The following C3orf49 variants were observed in gnomAD, a reference collection of about 807,000 sequenced individuals.
The protein encoded by C3orf49 is chromosome 3 open reading frame 49, also known as putative uncharacterized protein C3orf49.
In C3orf49, 27 loss-of-function variants were observed where a neutral mutation model predicts 13.3. That is an observed-to-expected ratio of 2.02 (90% CI 1.49 to 2.79). C3orf49 has a LOEUF of 2.79. Ranked by LOEUF, C3orf49 falls within the 30% of genes most tolerant of loss-of-function variation. The probability of loss-of-function intolerance (pLI) is 0.00; values close to 1 mark genes in which losing one functional copy is unlikely to be tolerated. For synonymous variants in C3orf49, 87 were observed against 47.6 expected (o/e 1.83, Z -3.40); for missense variants, 242 against 134.2 (o/e 1.80, Z -3.97).
At chr3:63,783,840 T>G in the C3orf49 span, among the ~76,000 whole-genome samples, 105,983 of 151,734 alleles carry the variant, frequency 0.7, 37,212 homozygotes, top group African/African-American at 0.75. Flanking sequence ...AAGCTACCTG[T>G]GGTCTAGCTG....
At chr3:63,804,199 C>T in the C3orf49 span, among the ~76,000 whole-genome samples, 4 of 152,094 alleles carry the variant, frequency 2.6e-5, no homozygotes, top group Non-Finnish European at 5.9e-5. Flanking sequence ...CCTAACAGGC[C>T]ATGGGCTGAT....
the C3orf49 span, among the ~76,000 whole-genome samples, chr3:63,802,664 G>C: frequency 6.6e-6 from 1 of 152,122 alleles, no homozygotes; most frequent in African/African-American, 2.4e-5. Context: ...TGTGTTGACT[G>C]CTTGCTATGG....
intron 6 of C3orf49, among the ~76,000 whole-genome samples, chr3:63,847,374 C>T (rs832187): frequency 0.55 from 83,411 of 152,020 alleles, 23,919 homozygotes; most frequent in South Asian, 0.65. Context: ...GGTTCTAATG[C>T]CTTTTATGAA....
At chr3:63,806,274 G>A in the C3orf49 span, among the ~76,000 whole-genome samples, 1 of 152,182 alleles carries the variant, frequency 6.6e-6, no homozygotes, top group Non-Finnish European at 1.5e-5. Flanking sequence ...TAACACGCTT[G>A]TTAACACACC....
chr3:63,786,893 A>G, the C3orf49 span, among the ~76,000 whole-genome samples: 3 of 152,228 alleles, frequency 2.0e-5, no homozygotes, highest in Non-Finnish European at 2.9e-5. Context: ...TTCTCGAGAA[A>G]GACAGCAGTG....
At chr3:63,846,733 G>A (rs1701905753) in intron 6 of C3orf49, among the ~76,000 whole-genome samples, 1 of 152,092 alleles carries the variant, frequency 6.6e-6, no homozygotes, top group South Asian at 2.1e-4. Flanking sequence ...TATAACCCCA[G>A]TATACTTGAT....
chr3:63,840,628 T>C (rs1172901493), intron 5 of C3orf49, among the ~76,000 whole-genome samples: 1 of 152,128 alleles, frequency 6.6e-6, no homozygotes, highest in African/African-American at 2.4e-5. Flanking sequence ...AAAATACAGA[T>C]GACAATGATG....
In C3orf49 at chr3:63,823,456, C is replaced by T. The variant is rs1165458416; in HGVS notation, c.332C>T (p.Thr111Ile). 1 of 703,142 alleles carries T rather than the reference C, an allele frequency of 1.4e-6. No homozygotes were observed. The highest frequency in any genetic ancestry group is 1.7e-5 in the African/African-American group (1 of 57,260). 43.6% of individuals were successfully genotyped at this position (703,142 alleles called of 1,614,324 possible). Residue 111 changes from threonine to isoleucine, a missense_variant, in exon 2 of 7, where the codon ACT becomes ATT. Thr to Ile is a moderately conservative substitution (Grantham distance 89). Transcript: ENST00000295896. ...KPACASQEGS[T>I]DHKEALLSNT... ...GCATGTGCCAGCCAAGAGGGCTCCA[C>T]TGACCATAAAGAAGCCCTCCTGTCA...
chr3:63,838,786 C>CT (rs553436466), intron 5 of C3orf49, among the ~76,000 whole-genome samples: 62 of 152,096 alleles, frequency 4.1e-4, no homozygotes, highest in Non-Finnish European at 8.1e-4. Context: ...TTTAGAAATA[C>CT]TTTAAGATGT....
chr3:63,810,587 G>A, the C3orf49 span, among the ~76,000 whole-genome samples: 7 of 152,114 alleles, frequency 4.6e-5, no homozygotes, highest in African/African-American at 1.2e-4. Flanking sequence ...TTGTTGGTTC[G>A]GATTCTCTAT....
At chr3:63,783,588 G>A in the C3orf49 span, among the ~76,000 whole-genome samples, 2 of 149,904 alleles carry the variant, frequency 1.3e-5, no homozygotes, top group East Asian at 3.9e-4. Context: ...TGTGGTGGCG[G>A]GCACATGTAG....
At chr3:63,833,704 C>G (rs1461142092) in intron 5 of C3orf49, 2 of 162,192 alleles carry the variant, frequency 1.2e-5, no homozygotes, top group Non-Finnish European at 2.7e-5. Context: ...CCTCCTAAAG[C>G]CTCTTCATAG....
In C3orf49 at chr3:63,823,596, T is replaced by C. The variant is rs1403471795; in HGVS notation, c.445+27T>C. On this transcript the variant is annotated intron_variant, in intron 2 of 6. Coordinates refer to ENST00000295896, the MANE Select transcript of C3orf49 (RefSeq NM_001355236.2). The stretch of plus-strand genomic sequence containing the variant: ...TAATCATATTTGGGCAATTTGTCTT[T>C]GGGTTGAGGCCAAGAGGAAGAGTGA... 4.4e-6 allele frequency: 3 copies of C among 684,226 alleles called. No individual in the cohort carries two copies. In the East Asian group the frequency reaches 8.1e-5, roughly 18 times the overall value. The allele number at this position is 684,226 out of a possible 1,614,324, so 42.4% of individuals were successfully genotyped here. A position where few individuals can be genotyped will look rare whatever the true frequency, so the allele number is the denominator to read the frequency against.
chr3:63,796,057 ATATT>A, the C3orf49 span, among the ~76,000 whole-genome samples: 1 of 152,204 alleles, frequency 6.6e-6, no homozygotes, highest in Non-Finnish European at 1.5e-5. Flanking sequence ...AGACAGTAAA[ATATT>A]AATAATAGAA....
chr3:63,840,766 C>T (rs1337686047), intron 5 of C3orf49, among the ~76,000 whole-genome samples: 5 of 152,312 alleles, frequency 3.3e-5, no homozygotes, highest in East Asian at 3.9e-4. Context: ...CATTTTTCAA[C>T]TATCAGATTG....
At chr3:63,825,177 C>T (rs966537685) in intron 2 of C3orf49, among the ~76,000 whole-genome samples, 1 of 152,144 alleles carries the variant, frequency 6.6e-6, no homozygotes, top group Non-Finnish European at 1.5e-5. Context: ...TATATATCCT[C>T]TGTAGCTTTT....
At chr3:63,846,013 G>A (rs1223886113) in intron 6 of C3orf49, 2 of 187,648 alleles carry the variant, frequency 1.1e-5, no homozygotes, top group African/African-American at 4.8e-5. Flanking sequence ...GCATTCAGAA[G>A]CCTCAAAGAG....
chr3:63,792,877 C>T, the C3orf49 span, among the ~76,000 whole-genome samples: 293 of 152,270 alleles, frequency 1.9e-3, no homozygotes, highest in African/African-American at 6.6e-3. Context: ...GATTTGTGTG[C>T]GTCGGCACTA....
chr3:63,842,040 G>C (rs1195111608), intron 5 of C3orf49, among the ~76,000 whole-genome samples: 1 of 152,182 alleles, frequency 6.6e-6, no homozygotes, highest in Non-Finnish European at 1.5e-5. Context: ...CCTGGGGAGT[G>C]AGTGCCCTGA....
Sources: allele counts gnomAD v4.1 joint callset (sites outside exome capture counted in the v4.1 genomes callset), GRCh38; gene constraint gnomAD v4.1.1; transcripts MANE v1.5; gene names NCBI Gene and HGNC (gene_info 2026-07-23, HGNC 2026-07-21).